FLVCR2: variants seen among roughly 807,000 people sequenced by gnomAD.
FLVCR2 encodes the protein FLVCR choline and putative heme transporter 2, also known as choline/ethanolamine transporter FLVCR2.
Under a neutral mutation model 48.9 loss-of-function variants are expected in FLVCR2, and 38 were observed. The observed-to-expected ratio is 0.78, with a 90% CI of 0.60 to 1.02. The LOEUF (loss-of-function observed/expected upper bound fraction) is 1.02. Ranked by LOEUF, FLVCR2 falls within the 50% of genes least tolerant of loss-of-function variation. The probability of loss-of-function intolerance (pLI) is 0.00; values close to 1 mark genes in which losing one functional copy is unlikely to be tolerated. For synonymous variants in FLVCR2, 255 were observed against 257.0 expected, an observed-to-expected ratio of 0.99 and a Z score of 0.07; for missense variants, 664 against 663.3, an observed-to-expected ratio of 1.00 and a Z score of -0.01.
Position 75,578,959 on chromosome 14 carries a change from A to G in FLVCR2, c.-14A>G, listed in dbSNP as rs1888521550. On this transcript the variant is annotated 5_prime_UTR_variant, in exon 1 of 10. Transcript: ENST00000238667. ...CCTCACCACTTCTCCAGGATTCCAG[A>G]GGAGACTGTGGCGATGGTGAATGAA... 6.2e-7 allele frequency: 1 copy of G among 1,613,850 alleles called. No individual in the cohort carries two copies. The highest frequency in any genetic ancestry group is 2.2e-5 in the East Asian group (1 of 44,880).
intron 1 of FLVCR2, among the ~76,000 whole-genome samples, chr14:75,606,146 C>T (rs897920894): frequency 6.6e-6 from 1 of 152,196 alleles, no homozygotes; most frequent in Admixed American, 6.5e-5. Context: ...TCACCTCATC[C>T]TTTCGAATAG....
At chr14:75,586,432 G>T (rs1010506213) in intron 1 of FLVCR2, among the ~76,000 whole-genome samples, 3 of 152,154 alleles carry the variant, frequency 2.0e-5, no homozygotes, top group African/African-American at 7.2e-5. Context: ...TGCTTCAGGC[G>T]ATCTGGATGT....
chr14:75,645,186 G>A (rs560900087), intron 9 of FLVCR2, among the ~76,000 whole-genome samples: 1 of 152,190 alleles, frequency 6.6e-6, no homozygotes, highest in African/African-American at 2.4e-5. Context: ...GATTGAGAAT[G>A]GGAAGGTTGG....
chr14:75,588,208 C>T (rs919096799), intron 1 of FLVCR2, among the ~76,000 whole-genome samples: 13 of 152,130 alleles, frequency 8.5e-5, no homozygotes, highest in Non-Finnish European at 1.3e-4. Context: ...ATTTATTTAG[C>T]TTACAGTTTG....
intron 1 of FLVCR2, chr14:75,596,090 T>G: frequency 2.7e-6 from 3 of 1,101,138 alleles, no homozygotes. Context: ...TTTCCCAAAT[T>G]TCTGTCTTAG....
At chr14:75,616,191 G>T (rs563209020) in intron 1 of FLVCR2, among the ~76,000 whole-genome samples, 2 of 151,884 alleles carry the variant, frequency 1.3e-5, no homozygotes, top group African/African-American at 4.8e-5. Flanking sequence ...GCCAGGCATG[G>T]TGTCATGATC....
rs112215395 is a variant in FLVCR2, at chr14:75,596,248, A to C, written c.669+16607A>C. 1,722 of 600,716 alleles carry C rather than the reference A, an allele frequency of 2.9e-3. 15 individuals carry two copies. The highest frequency in any genetic ancestry group is 0.021 in the African/African-American group (1,142 of 53,982). 37.2% of individuals were successfully genotyped at this position (600,716 alleles called of 1,614,324 possible). On this transcript the variant is annotated intron_variant, in intron 1 of 9. Coordinates refer to ENST00000238667, the MANE Select transcript of FLVCR2 (RefSeq NM_017791.3). ...CAGACAGCCAGGGAGGAAAAGCATG[A>C]CTGTCTGCTTTCTAGCCTCCTATTG...
At chr14:75,632,470 T>C (rs897224833) in intron 3 of FLVCR2, 2 of 593,862 alleles carry the variant, frequency 3.4e-6, no homozygotes, top group African/African-American at 1.9e-5. Flanking sequence ...CCCTGGAAGC[T>C]ACCCCTACGG....
At chr14:75,584,978 T>C (rs1042684879) in intron 1 of FLVCR2, among the ~76,000 whole-genome samples, 3 of 152,080 alleles carry the variant, frequency 2.0e-5, no homozygotes, top group African/African-American at 7.2e-5. Flanking sequence ...GGCTAGTCGC[T>C]GAACGAAAAC....
intron 1 of FLVCR2, among the ~76,000 whole-genome samples, chr14:75,585,661 C>T (rs1203373945): frequency 6.6e-6 from 1 of 151,980 alleles, no homozygotes; most frequent in African/African-American, 2.4e-5. Context: ...CCAAGGCAGG[C>T]GTCCCCGCGG....
At chr14:75,601,150 A>G (rs1242175362) in intron 1 of FLVCR2, among the ~76,000 whole-genome samples, 1 of 152,276 alleles carries the variant, frequency 6.6e-6, no homozygotes, top group Admixed American at 6.5e-5. Context: ...AACTAAAAGT[A>G]TCCCATATGG....
intron 1 of FLVCR2, among the ~76,000 whole-genome samples, chr14:75,611,686 C>T (rs1181254854): frequency 1.3e-5 from 2 of 151,880 alleles, no homozygotes; most frequent in East Asian, 1.9e-4. Context: ...TTCAGTGAGC[C>T]GAGATCGCAC....
At position 75,647,480 on chromosome 14, in the gene FLVCR2, A is replaced by C. The variant is rs1318703610; in HGVS notation, c.*1008A>C. 2 of 152,592 alleles carry C rather than the reference A, an allele frequency of 1.3e-5. No individual in the cohort carries two copies. Among genetic ancestry groups the C allele is most frequent in the African/African-American group, 4.8e-5 (2 of 41,452 alleles). 9.5% of individuals were successfully genotyped at this position (152,592 alleles called of 1,614,324 possible). ...CTGAGAGATAAGAGGGAAGGGGTAG[A>C]AGGAAAGGTGCCCCTTGAAATGGGA... On this transcript the variant is annotated 3_prime_UTR_variant, in exon 10 of 10. Coordinates refer to ENST00000238667, the MANE Select transcript of FLVCR2 (RefSeq NM_017791.3).
At chr14:75,606,585 C>T (rs377734744) in intron 1 of FLVCR2, among the ~76,000 whole-genome samples, 1 of 152,178 alleles carries the variant, frequency 6.6e-6, no homozygotes, top group African/African-American at 2.4e-5. Context: ...CTCTTGATTT[C>T]CTTCCTCAGA....
intron 1 of FLVCR2, among the ~76,000 whole-genome samples, chr14:75,581,065 TG>T (rs1481580390): frequency 6.6e-6 from 1 of 152,110 alleles, no homozygotes; most frequent in African/African-American, 2.4e-5. Context: ...AGGGGCAGCG[TG>T]GGAACCTACA....
intron 6 of FLVCR2, among the ~76,000 whole-genome samples, chr14:75,639,790 TG>T (rs1890263353): frequency 6.6e-6 from 1 of 152,206 alleles, no homozygotes; most frequent in South Asian, 2.1e-4. Flanking sequence ...CTCTGGGTCC[TG>T]GTCTCAGTTT....
At chr14:75,633,072 G>A (rs966578546) in intron 3 of FLVCR2, 37 of 661,502 alleles carry the variant, frequency 5.6e-5, no homozygotes, top group Non-Finnish European at 9.2e-5. Flanking sequence ...AATTGGTAAA[G>A]TAGGAGAGTC....
chr14:75,585,067 G>T (rs1204197830), intron 1 of FLVCR2, among the ~76,000 whole-genome samples: 1 of 152,138 alleles, frequency 6.6e-6, no homozygotes, highest in Non-Finnish European at 1.5e-5. Flanking sequence ...GGAGAAATTG[G>T]GGCCTGGCTC....
intron 3 of FLVCR2, among the ~76,000 whole-genome samples, chr14:75,627,951 A>C (rs1889948368): frequency 1.3e-5 from 2 of 152,234 alleles, no homozygotes; most frequent in Non-Finnish European, 2.9e-5. Flanking sequence ...TTTTCAAAAC[A>C]AACCCATGAC....
Sources: allele counts gnomAD v4.1 joint callset (sites outside exome capture counted in the v4.1 genomes callset), GRCh38; gene constraint gnomAD v4.1.1; transcripts MANE v1.5; gene names NCBI Gene and HGNC (gene_info 2026-07-23, HGNC 2026-07-21).